Variants in BMP4 observed in about 807,000 individuals in gnomAD.
BMP4 encodes the protein bone morphogenetic protein 4.
BMP4 carries 3 observed loss-of-function variants against 29.6 expected under a neutral mutation model. The observed-to-expected ratio is 0.10, with a 90% confidence interval of 0.05 to 0.26. The LOEUF (loss-of-function observed/expected upper bound fraction) is 0.26, where lower values mean the gene tolerates loss of function less well. Among genes scored for constraint, BMP4 ranks in the 10% least tolerant of loss-of-function variants. The probability of loss-of-function intolerance (pLI) is 1.00; values close to 1 mark genes in which losing one functional copy is unlikely to be tolerated. For synonymous variants in BMP4, 197 were observed against 213.2 expected (o/e 0.92, Z 0.66); for missense variants, 455 against 550.2 (o/e 0.83, Z 1.73).
Position 53,952,162 on chromosome 14 carries a change from C to A in BMP4, c.61G>T (p.Ala21Ser), listed in dbSNP as rs1377054583. The change falls in exon 3 of 4, where the codon GCG becomes TCG. Residue 21 changes from alanine to serine, a missense_variant. Coordinates refer to ENST00000245451, the MANE Select transcript of BMP4 (RefSeq NM_001202.6). ...TCAGGTATCAAACTAGCATGGCTCG[C>A]GCCTCCTAGCAGGACTTGGCATAAT... ...VLLCQVLLGG[A>S]SHASLIPETG... 1.9e-6 allele frequency: 3 copies of A among 1,613,952 alleles called. No individual in the cohort carries two copies. Among genetic ancestry groups the A allele is most frequent in the Non-Finnish European group, 2.5e-6 (3 of 1,179,980 alleles).
intron 3 of BMP4, 167 bp downstream of exon 3, chr14:53,951,686 T>C: frequency 1.8e-6 from 2 of 1,108,138 alleles, no homozygotes; most frequent in Non-Finnish European, 2.6e-6. Flanking sequence ...CTCCAAAAAA[T>C]AAGTTCGGCG....
rs528049734 is a variant in BMP4, at chr14:53,950,092, A to G, written c.1167T>C (p.Tyr389=). The G allele has an allele frequency of 2.5e-6, 4 of 1,614,160 alleles. No individual in the cohort carries two copies. The East Asian group carries it at 8.9e-5, about 36-fold the overall frequency. The change falls in exon 4 of 4, where the codon TAT becomes TAC. Residue 389 remains tyrosine, a synonymous_variant. Coordinates refer to ENST00000245451, the MANE Select transcript of BMP4 (RefSeq NM_001202.6). This position sits in a 1 kb window ranked among gnomAD's most constrained non-coding sequence, Gnocchi z 5.4. ...SAISMLYLDE[Y]DKVVLKNYQE... ...GATAATTTTTCAGTACCACCTTATC[A>G]TACTCATCCAGGTACAGCATGGAGA...
Sources: gnomAD v4.1 joint callset for allele counts on GRCh38, gnomAD v4.1.1 for gene constraint, Gnocchi (gnomAD v3.1) non-coding constraint, MANE v1.5 for transcripts, NCBI Gene and HGNC (gene_info 2026-07-23, HGNC 2026-07-21) for gene names.